Variants in TP53BP2 observed in about 807,000 individuals in gnomAD.
TP53BP2 encodes apoptosis-stimulating of p53 protein 2.
TP53BP2 carries 62 observed loss-of-function variants against 126.2 expected under a neutral mutation model. That is an observed-to-expected ratio of 0.49 (90% confidence interval 0.40 to 0.61). The LOEUF (loss-of-function observed/expected upper bound fraction) is 0.61. Among genes scored for constraint, TP53BP2 ranks in the 20% least tolerant of loss-of-function variants. TP53BP2 has a pLI of 0.00. For synonymous variants in TP53BP2, 485 were observed against 502.9 expected (o/e 0.96, Z 0.48); for missense variants, 1,215 against 1,402.8 (o/e 0.87, Z 2.14).
chr1:223,780,080 TA>T lies in TP53BP2; in HGVS notation c.*772del, dbSNP rs1661718128. 1 of 152,204 alleles carries T rather than the reference TA, an allele frequency of 6.6e-6. No homozygotes were observed. The allele number at this position is 152,204 out of a possible 1,614,324, so 9.4% of individuals were successfully genotyped here. Reference sequence around the variant, plus strand: ...TTATGACATCAAAAACAAAAACCAGTAAACAGCTAGCATCAAAAAGTTTATT... The same window carrying T: ...TTATGACATCAAAAACAAAAACCAGTAACAGCTAGCATCAAAAAGTTTATT... On this transcript the variant is annotated 3_prime_UTR_variant, in exon 18 of 18. Coordinates refer to ENST00000343537, the MANE Select transcript of TP53BP2 (RefSeq NM_001031685.3).
At chr1:223,792,642 ATAATTAAAACCTATAG>A (rs1187358465) in intron 14 of TP53BP2, 120 bp from the exon 15 acceptor site, 1 of 1,008,920 alleles carries the variant, frequency 9.9e-7, no homozygotes, top group African/African-American at 1.6e-5. Flanking sequence ...TTTAAAAATC[ATAATTAAAACCTATAG>A]GAGCCAAGAA....
chr1:223,845,597 C>G (rs1664243008), intron 1 of TP53BP2, 57 bp downstream of exon 1: 4 of 1,509,920 alleles, frequency 2.6e-6, no homozygotes, highest in South Asian at 1.2e-5. Context: ...GGACCAGCCC[C>G]CGGCACGCGA....
rs559085462 is a variant in TP53BP2, at chr1:223,796,850, C to T, written c.1949-260G>A. Among the ~76,000 whole-genome samples, 41 of 152,174 alleles carry T rather than the reference C, an allele frequency of 2.7e-4. No homozygotes were observed. In the South Asian group the frequency reaches 4.8e-3, roughly 18 times the overall value. ...TCATGAAACAATAAGAAAATGTTGC[C>T]GTTTTAAGAAATCACTGTAGCATCC... is the stretch of plus-strand genomic sequence containing the variant. On this transcript the variant is annotated intron_variant, in intron 12 of 17. Coordinates refer to ENST00000343537, the MANE Select transcript of TP53BP2 (RefSeq NM_001031685.3). This position sits in a 1 kb window ranked among gnomAD's most constrained non-coding sequence, Gnocchi z 4.2.
intron 7 of TP53BP2, 21 bp from the exon 8 acceptor site, chr1:223,802,916 A>G: frequency 6.2e-7 from 1 of 1,613,550 alleles, no homozygotes; most frequent in Non-Finnish European, 8.5e-7. Flanking sequence ...GAGAGGGGAA[A>G]AAAGGTAGCC....
At chr1:223,819,692 A>G (rs1265775660) in intron 2 of TP53BP2, among the ~76,000 whole-genome samples, 1 of 151,720 alleles carries the variant, frequency 6.6e-6, no homozygotes, top group Non-Finnish European at 1.5e-5. Context: ...TCTCAAAAAA[A>G]GAAAAAAGAA....
chr1:223,826,933 G>C (rs550874583), intron 1 of TP53BP2, among the ~76,000 whole-genome samples: 1 of 152,138 alleles, frequency 6.6e-6, no homozygotes, highest in African/African-American at 2.4e-5. Flanking sequence ...AGTAAGACTC[G>C]CTTGGTGGAC....
At chr1:223,832,554 A>C (rs1381368348) in intron 1 of TP53BP2, among the ~76,000 whole-genome samples, 1 of 152,204 alleles carries the variant, frequency 6.6e-6, no homozygotes, top group Non-Finnish European at 1.5e-5. Flanking sequence ...AAGCAAAAAC[A>C]CCTCTCCCAA....
At position 223,798,584 on chromosome 1, in the gene TP53BP2, G is replaced by A; in HGVS notation, c.1579C>T (p.Pro527Ser). ...LPYFGQTNQPPSDIKPDGSSQ... is the reference protein window; with the variant it reads ...LPYFGQTNQPSSDIKPDGSSQ... Reference sequence around the variant, plus strand: ...CTTCCGTCTGGCTTAATGTCTGAAGGTGGCTGATTAGTTTGTCCAAAATAA... The same window carrying A: ...CTTCCGTCTGGCTTAATGTCTGAAGATGGCTGATTAGTTTGTCCAAAATAA... Residue 527 changes from proline to serine, a missense_variant, in exon 12 of 18, where the codon CCT becomes TCT. Physicochemically the swap from Pro to Ser is moderately conservative, Grantham distance 74. Around this residue, in one of 4 missense-constraint regions of TP53BP2, gnomAD observed 814 missense variants for 853.0 expected, o/e 0.95. Coordinates refer to ENST00000343537, the MANE Select transcript of TP53BP2 (RefSeq NM_001031685.3). 6.2e-7 allele frequency: 1 copy of A among 1,614,174 alleles called. No individual in the cohort carries two copies. The highest frequency in any genetic ancestry group is 8.5e-7 in the Non-Finnish European group (1 of 1,180,028).
chr1:223,814,188 A>C, intron 3 of TP53BP2, 52 bp downstream of exon 3: 2 of 1,379,796 alleles, frequency 1.4e-6, no homozygotes, highest in Non-Finnish European at 2.1e-6. Flanking sequence ...TACTACTCCC[A>C]GCACAAAATA....
At chr1:223,814,752 G>T (rs1362355342) in intron 2 of TP53BP2, among the ~76,000 whole-genome samples, 1 of 151,256 alleles carries the variant, frequency 6.6e-6, no homozygotes, top group Non-Finnish European at 1.5e-5. Flanking sequence ...ATATTAAAAA[G>T]CAACTTTCTA....
chr1:223,830,966 C>T (rs866975955), intron 1 of TP53BP2, among the ~76,000 whole-genome samples: 22 of 151,898 alleles, frequency 1.4e-4, no homozygotes, highest in Admixed American at 1.3e-3. Context: ...GGCATGGTGG[C>T]GGGCGCCTGT....
At chr1:223,810,622 G>A in intron 3 of TP53BP2, 109 bp from the exon 4 acceptor site, 1 of 785,144 alleles carries the variant, frequency 1.3e-6, no homozygotes, top group South Asian at 2.1e-5. Flanking sequence ...TAAGTTGAAT[G>A]TATTCTTAAA....
rs201955740 is a variant in TP53BP2, at chr1:223,796,154, A to G, written c.2385T>C (p.Asn795=). ...ASSESPVEIQ[N]PYLHVEPEKE... is the part of the protein sequence containing the mutation. Reference sequence around the variant, plus strand: ...TTTCGGGCTCCACATGTAAATATGGATTCTGGATTTCTACTGGGCTTTCTG... The same window carrying G: ...TTTCGGGCTCCACATGTAAATATGGGTTCTGGATTTCTACTGGGCTTTCTG... The change falls in exon 13 of 18, where the codon AAT becomes AAC. Residue 795 remains asparagine (N), a synonymous_variant. Coordinates refer to ENST00000343537, the MANE Select transcript of TP53BP2 (RefSeq NM_001031685.3). This position sits in a 1 kb window ranked among gnomAD's most constrained non-coding sequence, Gnocchi z 4.2. 5.6e-6 allele frequency: 9 copies of G among 1,614,166 alleles called. No homozygotes were observed. The East Asian group carries it at 1.6e-4, about 28-fold the overall frequency.
At chr1:223,838,935 G>C (rs1664013467) in intron 1 of TP53BP2, among the ~76,000 whole-genome samples, 1 of 151,912 alleles carries the variant, frequency 6.6e-6, no homozygotes, top group South Asian at 2.1e-4. Context: ...CACATCATTT[G>C]AAAGTTGATA....
chr1:223,839,402 G>A lies in TP53BP2; in HGVS notation c.27+6252C>T, dbSNP rs12034914. ...CTCTTCATCCCTGGGAGGGAAGTTA[G>A]AGTGAAGCTTCCACTCCCCCTGCTT... On this transcript the variant is annotated intron_variant, in intron 1 of 17. Transcript: ENST00000343537. 4.6e-3 allele frequency among the ~76,000 whole-genome samples: 700 copies of A among 152,292 alleles called. 29 individuals are homozygous for A. The East Asian group carries it at 0.1, about 23-fold the overall frequency.
chr1:223,813,519 TAAG>T (rs1310583746), intron 3 of TP53BP2, among the ~76,000 whole-genome samples: 5 of 152,148 alleles, frequency 3.3e-5, no homozygotes, highest in Non-Finnish European at 5.9e-5. Context: ...CCCACCCAGC[TAAG>T]GTATCACCTT....
At chr1:223,789,241 C>A (rs976928758) in intron 15 of TP53BP2, 67 bp from the exon 16 acceptor site, 254 of 1,562,864 alleles carry the variant, frequency 1.6e-4, no homozygotes, top group Non-Finnish European at 2.5e-5. Flanking sequence ...GATAAGATAT[C>A]TGGAAAGAAA....
intron 4 of TP53BP2, among the ~76,000 whole-genome samples, chr1:223,809,214 G>T (rs116024579): frequency 6.6e-6 from 1 of 151,988 alleles, no homozygotes; most frequent in African/African-American, 2.4e-5. Flanking sequence ...CTAAAACAAC[G>T]GCTAAGATCA....
At chr1:223,821,484 A>T in intron 1 of TP53BP2, 117 bp from the exon 2 acceptor site, 1 of 1,384,926 alleles carries the variant, frequency 7.2e-7, no homozygotes, top group East Asian at 2.3e-5. Flanking sequence ...ACAACAGAAC[A>T]GTCTGGCTGT....
Sources: gnomAD v4.1 joint callset for allele counts (sites outside exome capture counted in the v4.1 genomes callset) on GRCh38, gnomAD v4.1.1 for gene constraint, gnomAD v4.1.1 regional missense constraint, Gnocchi (gnomAD v3.1) non-coding constraint, MANE v1.5 for transcripts, NCBI Gene and HGNC (gene_info 2026-07-23, HGNC 2026-07-21) for gene names.